Variants in ROBO1 observed in about 807,000 individuals in gnomAD.
ROBO1 encodes roundabout guidance receptor 1, also known as roundabout homolog 1.
In ROBO1, 149 loss-of-function variants were observed where a neutral mutation model predicts 195.9. That is an observed-to-expected ratio of 0.76 (90% CI 0.67 to 0.87). The LOEUF is 0.87. Ranked by LOEUF, ROBO1 falls within the 40% of genes least tolerant of loss-of-function variation. The probability of loss-of-function intolerance (pLI) is 0.00; values close to 1 mark genes in which losing one functional copy is unlikely to be tolerated. For missense variants in ROBO1, 1,933 were observed against 2,068.3 expected, an observed-to-expected ratio of 0.93 and a Z score of 1.27; for synonymous variants, 816 against 733.2, an observed-to-expected ratio of 1.11 and a Z score of -1.82.
chr3:78,836,494 A>G (rs1463869068), intron 4 of ROBO1, among the ~76,000 whole-genome samples: 5 of 136,446 alleles, frequency 3.7e-5, no homozygotes, highest in Admixed American at 3.1e-4. Flanking sequence ...CCTGAGACAC[A>G]GAGCGAGACT....
intron 1 of ROBO1, among the ~76,000 whole-genome samples, chr3:79,653,933 C>T (rs1560072730): frequency 1.3e-5 from 2 of 151,876 alleles, no homozygotes; most frequent in African/African-American, 4.8e-5. Context: ...CTACAAAGTA[C>T]ATGTTAGGAA....
intron 3 of ROBO1, among the ~76,000 whole-genome samples, chr3:79,045,125 A>G (rs1415205692): frequency 7.2e-5 from 11 of 152,094 alleles, no homozygotes. Context: ...GAATGATGCC[A>G]AAATAAAAAA....
chr3:79,429,213 G>A (rs1430029470), intron 2 of ROBO1, among the ~76,000 whole-genome samples: 1 of 152,088 alleles, frequency 6.6e-6, no homozygotes, highest in Admixed American at 6.6e-5. Flanking sequence ...CCCTCCAAGG[G>A]CCATACATAC....
At chr3:79,026,186 A>G (rs985291053) in intron 3 of ROBO1, among the ~76,000 whole-genome samples, 1 of 152,096 alleles carries the variant, frequency 6.6e-6, no homozygotes, top group African/African-American at 2.4e-5. Flanking sequence ...ATATGACATT[A>G]TGTGCTGTGC....
At chr3:79,544,656 A>G (rs1484867154) in intron 2 of ROBO1, among the ~76,000 whole-genome samples, 1 of 152,020 alleles carries the variant, frequency 6.6e-6, no homozygotes, top group Non-Finnish European at 1.5e-5. Flanking sequence ...AAATTTTTGT[A>G]TATATATTTT....
intron 4 of ROBO1, among the ~76,000 whole-genome samples, chr3:78,842,348 A>ATT (rs2033301312): frequency 1.0e-5 from 1 of 99,472 alleles, no homozygotes; most frequent in Non-Finnish European, 1.9e-5. Context: ...TATATGAGCC[A>ATT]TATATATTTT....
intron 4 of ROBO1, among the ~76,000 whole-genome samples, chr3:78,844,355 CT>C (rs2033505651): frequency 6.6e-6 from 1 of 151,962 alleles, no homozygotes; most frequent in African/African-American, 2.4e-5. Context: ...TTTTAACCTC[CT>C]TTTTCTGGAT....
chr3:79,155,571 A>G (rs1050648954), intron 2 of ROBO1, among the ~76,000 whole-genome samples: 1 of 151,786 alleles, frequency 6.6e-6, no homozygotes, highest in Admixed American at 6.6e-5. Context: ...GAGGAAAACA[A>G]TCTCTCTTCT....
intron 3 of ROBO1, among the ~76,000 whole-genome samples, chr3:78,947,837 G>A (rs879599676): frequency 2.0e-5 from 3 of 151,784 alleles, no homozygotes; most frequent in African/African-American, 4.8e-5. Context: ...ATGATAAAGG[G>A]GATAACACCA....
At chr3:79,552,179 CAT>C (rs1162813475) in intron 2 of ROBO1, among the ~76,000 whole-genome samples, 1 of 151,864 alleles carries the variant, frequency 6.6e-6, no homozygotes, top group Non-Finnish European at 1.5e-5. Context: ...TAATCACACA[CAT>C]GGGCACACAG....
At chr3:79,534,152 A>G (rs908731191) in intron 2 of ROBO1, among the ~76,000 whole-genome samples, 533 of 51,210 alleles carry the variant, frequency 0.01, 3 homozygotes, top group African/African-American at 0.033. Flanking sequence ...GGAAGGCAAA[A>G]AAAAAAAAAA....
intron 2 of ROBO1, among the ~76,000 whole-genome samples, chr3:79,408,865 T>G (rs1363336590): frequency 6.6e-6 from 1 of 152,172 alleles, no homozygotes; most frequent in Non-Finnish European, 1.5e-5. Flanking sequence ...CAAAACCATA[T>G]TCAATACCTT....
intron 2 of ROBO1, among the ~76,000 whole-genome samples, chr3:79,166,604 C>T (rs540749986): frequency 7.0e-5 from 10 of 143,280 alleles, no homozygotes; most frequent in African/African-American, 2.6e-4. Context: ...CTAGCTCTGT[C>T]GCACAGGCTG....
At chr3:79,603,708 C>T (rs1944404465) in intron 1 of ROBO1, among the ~76,000 whole-genome samples, 1 of 151,934 alleles carries the variant, frequency 6.6e-6, no homozygotes, top group Non-Finnish European at 1.5e-5. Context: ...TGTGTCCTTT[C>T]AGGGTGATTG....
intron 1 of ROBO1, among the ~76,000 whole-genome samples, chr3:79,719,802 G>T (rs535693523): frequency 2.0e-4 from 31 of 152,156 alleles, no homozygotes; most frequent in Non-Finnish European, 2.8e-4. Context: ...AAATACTTTT[G>T]TTGTTTATTA....
chr3:78,793,683 A>C (rs2084094980), intron 4 of ROBO1, among the ~76,000 whole-genome samples: 1 of 152,184 alleles, frequency 6.6e-6, no homozygotes, highest in Non-Finnish European at 1.5e-5. Context: ...TAACACACAA[A>C]TGCTAAAGAT....
At chr3:79,602,892 A>C (rs1944378542) in intron 1 of ROBO1, among the ~76,000 whole-genome samples, 1 of 152,024 alleles carries the variant, frequency 6.6e-6, no homozygotes, top group Non-Finnish European at 1.5e-5. Context: ...TTTTGTAGAA[A>C]AAAGCAGAAT....
chr3:79,110,302 A>C (rs984619180), intron 3 of ROBO1, among the ~76,000 whole-genome samples: 13 of 152,106 alleles, frequency 8.5e-5, no homozygotes, highest in Admixed American at 4.6e-4. Context: ...ATACTAGTTC[A>C]CTGACAACTT....
rs537481465 is a variant in ROBO1, at chr3:78,970,673, C to CA, written c.173-31747dup. 3.2e-3 allele frequency among the ~76,000 whole-genome samples: 482 copies of CA among 151,804 alleles called. 4 individuals carry two copies. The highest frequency in any genetic ancestry group is 3.7e-3 in the Non-Finnish European group (250 of 67,892). On this transcript the variant is annotated intron_variant, in intron 3 of 30. Transcript: ENST00000464233. ...GTAGAATAATTAACTATTAAAATGA[C>CA]AAAAAAATCTTTGCAGAGGTAATAA...
Sources: allele counts gnomAD v4.1 joint callset (sites outside exome capture counted in the v4.1 genomes callset), GRCh38; gene constraint gnomAD v4.1.1; transcripts MANE v1.5; gene names NCBI Gene and HGNC (gene_info 2026-07-23, HGNC 2026-07-21).